The following ARK2N variants were observed in gnomAD, a reference collection of about 807,000 sequenced individuals.
ARK2N encodes the protein arkadia (RNF111) N-terminal like PKA signaling regulator 2N.
chr18:46,255,557 T>G, the ARK2N span, among the ~76,000 whole-genome samples: 1 of 146,792 alleles, frequency 6.8e-6, no homozygotes, highest in Non-Finnish European at 1.5e-5. Context: ...GTTCAAGCAA[T>G]TCTCCTGTCT....
the ARK2N span, among the ~76,000 whole-genome samples, chr18:46,177,238 G>C: frequency 6.6e-6 from 1 of 151,952 alleles, no homozygotes; most frequent in Non-Finnish European, 1.5e-5. Flanking sequence ...ATATAGAAGG[G>C]GGATAGAAAA....
chr18:46,219,908 T>C, the ARK2N span, among the ~76,000 whole-genome samples: 9 of 152,312 alleles, frequency 5.9e-5, no homozygotes, highest in South Asian at 1.9e-3. Context: ...AAATCTGTAG[T>C]TGGAGGGATT....
chr18:46,184,681 CACT>C, the ARK2N span, among the ~76,000 whole-genome samples: 1 of 152,140 alleles, frequency 6.6e-6, no homozygotes, highest in Non-Finnish European at 1.5e-5. Context: ...GTGATTGTGC[CACT>C]ACACTCCAGC....
the ARK2N span, among the ~76,000 whole-genome samples, chr18:46,185,815 C>T: frequency 5.9e-5 from 9 of 152,188 alleles, no homozygotes; most frequent in Non-Finnish European, 7.4e-5. Context: ...GATGAAACCC[C>T]GACTCTACTA....
chr18:46,246,110 T>C, the ARK2N span, among the ~76,000 whole-genome samples: 1 of 152,338 alleles, frequency 6.6e-6, no homozygotes, highest in South Asian at 2.1e-4. Flanking sequence ...GGCTTGTTCT[T>C]GTCTTAGAAC....
chr18:46,262,995 G>GT, the ARK2N span: 14 of 1,614,198 alleles, frequency 8.7e-6, no homozygotes, highest in African/African-American at 1.3e-5. Flanking sequence ...CGGGCACGCA[G>GT]TATGTTAGCA....
At chr18:46,239,653 T>A in the ARK2N span, among the ~76,000 whole-genome samples, 2 of 152,226 alleles carry the variant, frequency 1.3e-5, no homozygotes, top group South Asian at 4.1e-4. Context: ...TGCATCAGTT[T>A]TTTCCTTTAA....
chr18:46,209,961 C>A, the ARK2N span, among the ~76,000 whole-genome samples: 5 of 152,136 alleles, frequency 3.3e-5, no homozygotes, highest in African/African-American at 9.7e-5. Flanking sequence ...GATCAAAAAG[C>A]AATATTTAAT....
At chr18:46,212,990 A>ATTTTTTTTT in the ARK2N span, among the ~76,000 whole-genome samples, 27 of 80,522 alleles carry the variant, frequency 3.4e-4, no homozygotes, top group Non-Finnish European at 1.9e-4. Flanking sequence ...TTTAAGAAGA[A>ATTTTTTTTT]TTTTTTTTTT....
At chr18:46,176,893 G>C in the ARK2N span, among the ~76,000 whole-genome samples, 1 of 152,154 alleles carries the variant, frequency 6.6e-6, no homozygotes, top group East Asian at 1.9e-4. Context: ...TGGGATTACA[G>C]GTGTGAGCCA....
chr18:46,256,411 CTT>C, the ARK2N span, among the ~76,000 whole-genome samples: 1,406 of 77,370 alleles, frequency 0.018, 21 homozygotes, highest in African/African-American at 0.049. Flanking sequence ...TGTTTATCTT[CTT>C]TTTTTAAAAA....
the ARK2N span, among the ~76,000 whole-genome samples, chr18:46,200,597 C>T: frequency 2.0e-5 from 3 of 152,270 alleles, no homozygotes; most frequent in Admixed American, 1.3e-4. Flanking sequence ...TGAGCCACCG[C>T]ACCTGGCCAG....
chr18:46,215,382 A>G, the ARK2N span, among the ~76,000 whole-genome samples: 1 of 151,942 alleles, frequency 6.6e-6, no homozygotes, highest in Non-Finnish European at 1.5e-5. Context: ...CCCTCCTCCC[A>G]CCTCCTTTCT....
At chr18:46,192,175 T>C in the ARK2N span, among the ~76,000 whole-genome samples, 1 of 152,212 alleles carries the variant, frequency 6.6e-6, no homozygotes, top group Non-Finnish European at 1.5e-5. Flanking sequence ...AGCATAATTA[T>C]AACAGAAGCA....
chr18:46,244,987 C>T, the ARK2N span, among the ~76,000 whole-genome samples: 2 of 151,952 alleles, frequency 1.3e-5, no homozygotes, highest in East Asian at 1.9e-4. Context: ...AGGCTGGATG[C>T]GGTGGCAGTC....
At chr18:46,237,926 A>G in the ARK2N span, among the ~76,000 whole-genome samples, 3 of 152,222 alleles carry the variant, frequency 2.0e-5, no homozygotes, top group Non-Finnish European at 4.4e-5. Context: ...ATATGAAAAT[A>G]TTGCTGTCTC....
At chr18:46,195,198 A>G in the ARK2N span, among the ~76,000 whole-genome samples, 4 of 147,332 alleles carry the variant, frequency 2.7e-5, no homozygotes, top group African/African-American at 1.0e-4. Context: ...AATTATCCAC[A>G]TTTTGCCATT....
At chr18:46,184,893 A>G in the ARK2N span, among the ~76,000 whole-genome samples, 1 of 152,242 alleles carries the variant, frequency 6.6e-6, no homozygotes, top group Non-Finnish European at 1.5e-5. Flanking sequence ...TTAGTTTCAT[A>G]GTGCCTGATT....
At chr18:46,243,745 G>T in the ARK2N span, among the ~76,000 whole-genome samples, 3 of 152,132 alleles carry the variant, frequency 2.0e-5, no homozygotes, top group Non-Finnish European at 4.4e-5. Flanking sequence ...ATGTCCTCAG[G>T]TAAATTATAT....
Sources: gnomAD v4.1 joint callset for allele counts (sites outside exome capture counted in the v4.1 genomes callset) on GRCh38, gnomAD v4.1.1 for gene constraint, MANE v1.5 for transcripts, NCBI Gene and HGNC (gene_info 2026-07-23, HGNC 2026-07-21) for gene names.